Variants in MAP4 observed in about 807,000 individuals in gnomAD.
MAP4 encodes the protein microtubule-associated protein 4.
Under a neutral mutation model 170.2 loss-of-function variants are expected in MAP4, and 76 were observed. The ratio of observed to expected loss-of-function variants is 0.45; its 90% CI spans 0.37 to 0.54. The LOEUF is 0.54. MAP4 is among the 20% of genes least tolerant of loss of function. MAP4 has a pLI of 0.00. For synonymous variants in MAP4, 909 were observed against 994.5 expected, an observed-to-expected ratio of 0.91 and a Z score of 1.62; for missense variants, 2,506 against 2,748.0, an observed-to-expected ratio of 0.91 and a Z score of 1.97.
intron 3 of MAP4, among the ~76,000 whole-genome samples, chr3:47,954,647 A>G (rs2100066593): frequency 6.6e-6 from 1 of 152,250 alleles, no homozygotes; most frequent in South Asian, 2.1e-4. Context: ...TACTAGAGTG[A>G]CTACGGATTA....
chr3:47,857,149 C>T lies in MAP4; in HGVS notation c.6583+282G>A, dbSNP rs139764446. 1.6e-3 allele frequency among the ~76,000 whole-genome samples: 245 copies of T among 152,344 alleles called. 1 individual carries two copies. Among genetic ancestry groups the T allele is most frequent in the Non-Finnish European group, 2.4e-3 (166 of 68,034 alleles). ...CAATCCAGGTTCTCAGCTCAGAGTG[C>T]ACCACTTCCCCAGGCCTAGCTCAAT... On this transcript the variant is annotated intron_variant, in intron 18 of 20. Coordinates refer to ENST00000683076, the MANE Select transcript of MAP4 (RefSeq NM_001385682.1).
chr3:47,966,128 G>A (rs545477658), intron 3 of MAP4, among the ~76,000 whole-genome samples: 5 of 151,062 alleles, frequency 3.3e-5, no homozygotes, highest in South Asian at 4.2e-4. Flanking sequence ...TGAATGCAGC[G>A]GTGTACTTTA....
At position 47,891,931 on chromosome 3, in the gene MAP4, G is replaced by A. The variant is rs1265949251; in HGVS notation, c.5434+11019C>T. The A allele has an allele frequency of 7.2e-6, 11 of 1,536,054 alleles. No homozygotes were observed. The East Asian group carries it at 2.2e-4, about 31-fold the overall frequency. The stretch of plus-strand genomic sequence containing the variant: ...GAGAGCCTTGAGCCACTGGATGAAA[G>A]CTGGGGTTCCAAACACTGGTTTCCT... On this transcript the variant is annotated intron_variant, in intron 10 of 20. Transcript: ENST00000683076.
intron 18 of MAP4, among the ~76,000 whole-genome samples, chr3:47,856,428 T>C (rs902468506): frequency 6.6e-6 from 1 of 152,162 alleles, no homozygotes; most frequent in East Asian, 1.9e-4. Flanking sequence ...AACTGGATCA[T>C]GCTCTTCGCT....
intron 1 of MAP4, among the ~76,000 whole-genome samples, chr3:48,002,994 T>TTAA (rs2100100161): frequency 6.7e-6 from 1 of 150,124 alleles, no homozygotes; most frequent in African/African-American, 2.5e-5. Flanking sequence ...AATAAATAAA[T>TTAA]TTAATTCCAT....
intron 3 of MAP4, among the ~76,000 whole-genome samples, chr3:47,957,280 G>A (rs1481040935): frequency 1.3e-5 from 2 of 152,098 alleles, no homozygotes; most frequent in African/African-American, 4.8e-5. Flanking sequence ...TGATTCTCCC[G>A]CCTCAGCCTC....
chr3:48,047,598 A>C (rs1423666011), intron 1 of MAP4, among the ~76,000 whole-genome samples: 1 of 152,224 alleles, frequency 6.6e-6, no homozygotes, highest in Non-Finnish European at 1.5e-5. Context: ...TAAAAAGATG[A>C]CATGAAACCT....
upstream of MAP4, among the ~76,000 whole-genome samples, chr3:48,018,622 G>A (rs1279588795): frequency 6.6e-6 from 1 of 151,984 alleles, no homozygotes; most frequent in East Asian, 1.9e-4. Flanking sequence ...TGGCCAACAA[G>A]GTGAAACCCC....
intron 1 of MAP4, among the ~76,000 whole-genome samples, chr3:48,055,857 C>A (rs1293440620): frequency 1.5e-5 from 2 of 132,168 alleles, no homozygotes; most frequent in Non-Finnish European, 3.3e-5. Context: ...TGCCCCGCCG[C>A]CCCATCTGGG....
chr3:47,924,967 C>T (rs1240846687), intron 4 of MAP4, among the ~76,000 whole-genome samples: 1 of 152,078 alleles, frequency 6.6e-6, no homozygotes, highest in African/African-American at 2.4e-5. Context: ...TCCGCCACCA[C>T]ACCTGGCTAA....
At chr3:47,860,018 C>A (rs1005536970) in intron 17 of MAP4, among the ~76,000 whole-genome samples, 2 of 152,164 alleles carry the variant, frequency 1.3e-5, no homozygotes, top group African/African-American at 2.4e-5. Flanking sequence ...CTATCCTTAT[C>A]CCCCATAAGA....
intron 3 of MAP4, among the ~76,000 whole-genome samples, chr3:47,941,712 G>A (rs1023864926): frequency 9.9e-5 from 15 of 150,844 alleles, no homozygotes; most frequent in African/African-American, 2.2e-4. Context: ...GTTTGAACCC[G>A]GGAGGCAGAG....
intron 1 of MAP4, among the ~76,000 whole-genome samples, chr3:48,057,693 T>C (rs1237833560): frequency 6.7e-6 from 1 of 149,246 alleles, no homozygotes; most frequent in African/African-American, 2.5e-5. Context: ...GCCTAGCAAC[T>C]GTACTCCTAG....
intron 17 of MAP4, 68 bp from the exon 18 acceptor site, chr3:47,857,580 C>T: frequency 9.7e-7 from 1 of 1,029,420 alleles, no homozygotes; most frequent in Non-Finnish European, 1.5e-6. Flanking sequence ...CCCATGCTAC[C>T]TTTTAAATCT....
In MAP4 at chr3:47,853,327, G is replaced by A; in HGVS notation, c.6722C>T (p.Pro2241Leu). 1 of 1,610,024 alleles carries A rather than the reference G, an allele frequency of 6.2e-7. No homozygotes were observed. The highest frequency in any genetic ancestry group is 8.5e-7 in the Non-Finnish European group (1 of 1,179,344). The change falls in exon 20 of 21, where the codon CCT (proline) becomes CTT (leucine). Residue 2241 changes from proline to leucine, a missense_variant. Pro to Leu is a moderately conservative substitution (Grantham distance 98). Coordinates refer to ENST00000683076, the MANE Select transcript of MAP4 (RefSeq NM_001385682.1). ...VKTEGGGSEA[P>L]LCPGPPAGEE... Reference sequence around the variant, plus strand: ...CCCAGCAGGGGGACCCGGACACAGAGGAGCCTCGCTGCCACCGCCCTCAGT... The same window carrying A: ...CCCAGCAGGGGGACCCGGACACAGAAGAGCCTCGCTGCCACCGCCCTCAGT...
At chr3:48,057,692 C>T (rs2100132991) in intron 1 of MAP4, among the ~76,000 whole-genome samples, 1 of 147,924 alleles carries the variant, frequency 6.8e-6, no homozygotes, top group Non-Finnish European at 1.5e-5. Flanking sequence ...GGCCTAGCAA[C>T]TGTACTCCTA....
chr3:47,854,775 C>T (rs1400895639), intron 19 of MAP4, among the ~76,000 whole-genome samples: 1 of 81,710 alleles, frequency 1.2e-5, no homozygotes, highest in Non-Finnish European at 2.3e-5. Context: ...CCAGGCAGGC[C>T]CTGCAGAGGG....
intron 3 of MAP4, among the ~76,000 whole-genome samples, chr3:47,929,681 G>T (rs2100048311): frequency 1.6e-5 from 1 of 63,774 alleles, no homozygotes; most frequent in Non-Finnish European, 3.4e-5. Flanking sequence ...CCTAATGTAA[G>T]AGTTAAAACT....
intron 1 of MAP4, among the ~76,000 whole-genome samples, chr3:48,025,933 TAATAAC>T (rs1553727330): frequency 4.7e-5 from 7 of 147,998 alleles, no homozygotes; most frequent in African/African-American, 1.7e-4. Flanking sequence ...ATAATAATAA[TAATAAC>T]AATAATAATA....
Sources: allele counts gnomAD v4.1 joint callset (sites outside exome capture counted in the v4.1 genomes callset), GRCh38; gene constraint gnomAD v4.1.1; transcripts MANE v1.5; gene names NCBI Gene and HGNC (gene_info 2026-07-23, HGNC 2026-07-21).